The following BIRC6 variants were observed in gnomAD, a reference collection of about 807,000 sequenced individuals.
The protein encoded by BIRC6 is baculoviral IAP repeat containing 6.
Under a neutral mutation model 503.3 loss-of-function variants are expected in BIRC6, and 98 were observed. The ratio of observed to expected loss-of-function variants is 0.19; its 90% CI spans 0.17 to 0.23. The LOEUF is 0.23. BIRC6 is among the 10% of genes least tolerant of loss of function. BIRC6 has a pLI of 1.00. For missense variants in BIRC6, 5,360 were observed against 5,806.0 expected, an observed-to-expected ratio of 0.92 and a Z score of 2.50; for synonymous variants, 2,240 against 2,078.7, an observed-to-expected ratio of 1.08 and a Z score of -2.11.
chr2:32,563,120 G>C (rs921386593), intron 65 of BIRC6, among the ~76,000 whole-genome samples: 1 of 152,144 alleles, frequency 6.6e-6, no homozygotes, highest in African/African-American at 2.4e-5. Context: ...AAAATAACTT[G>C]CTGGGGTTTT....
chr2:32,491,045 G>T (rs1376399939), intron 43 of BIRC6, among the ~76,000 whole-genome samples: 2 of 152,128 alleles, frequency 1.3e-5, no homozygotes, highest in East Asian at 3.8e-4. Context: ...GAATAATTTT[G>T]CTACAACTTA....
At chr2:32,416,209 T>C in intron 10 of BIRC6, 46 bp downstream of exon 10, 1 of 1,500,606 alleles carries the variant, frequency 6.7e-7, no homozygotes, top group African/African-American at 1.4e-5. Flanking sequence ...TCCATGTATA[T>C]ATGGCATTTG....
rs370529825 is a variant in BIRC6 at position 32,430,805 on chromosome 2, C to CTTTT, written c.3023-42_3023-39dup. The CTTTT allele has an allele frequency of 1.2e-3, 605 of 484,440 alleles. 13 individuals are homozygous for CTTTT. The highest frequency in any genetic ancestry group is 2.8e-3 in the South Asian group (105 of 37,932). 30.0% of individuals were successfully genotyped at this position (484,440 alleles called of 1,614,324 possible). A position where few individuals can be genotyped will look rare whatever the true frequency, so the allele number is the denominator to read the frequency against. ...AATTAAAACTTCACTTCATTGTCTT[C>CTTTT]TTTTTTTTTTTTTTTTTTTTTCCAC... is the stretch of plus-strand genomic sequence containing the variant. On this transcript the variant is annotated intron_variant, in intron 11 of 73. Transcript: ENST00000421745.
Position 32,611,465 on chromosome 2 carries a change from T to G in BIRC6, c.14277T>G (p.Phe4759Leu). 6.2e-7 allele frequency: 1 copy of G among 1,607,850 alleles called. No individual in the cohort carries two copies. The highest frequency in any genetic ancestry group is 8.5e-7 in the Non-Finnish European group (1 of 1,176,216). ...TTCTCAAGGTAATACACAAACATTT[T>G]TACTTGAAAAGAGTTGAGATAATGG... is the stretch of plus-strand genomic sequence containing the variant. ...PCFKEVIHKH[F>L]YLKRVEIMAQ... is the part of the protein sequence containing the mutation. Residue 4759 changes from phenylalanine to leucine, a missense_variant, in exon 73 of 74, where the codon TTT (phenylalanine) becomes TTG (leucine). This residue lies in a region of BIRC6 where 140 missense variants were observed against 130.2 expected (regional missense o/e 1.07). Transcript: ENST00000421745.
intron 31 of BIRC6, 112 bp from the exon 32 acceptor site, chr2:32,470,902 G>T: frequency 3.6e-6 from 4 of 1,106,432 alleles, no homozygotes; most frequent in Non-Finnish European, 5.1e-6. Context: ...TGTTAGTAAT[G>T]ATAAGATATG....
At chr2:32,454,524 G>T (rs555831351) in intron 23 of BIRC6, among the ~76,000 whole-genome samples, 1 of 151,196 alleles carries the variant, frequency 6.6e-6, no homozygotes, top group Non-Finnish European at 1.5e-5. Flanking sequence ...TTTATTTACA[G>T]TTACTTCTAT....
At chr2:32,454,334 T>C (rs959062728) in intron 23 of BIRC6, among the ~76,000 whole-genome samples, 4 of 152,214 alleles carry the variant, frequency 2.6e-5, no homozygotes, top group Admixed American at 2.0e-4. Context: ...CTCGAACTAG[T>C]TTAAAACAAC....
At position 32,515,439 on chromosome 2, in the gene BIRC6, G is replaced by A. The variant is rs2054923783; in HGVS notation, c.11018G>A (p.Cys3673Tyr). Residue 3673 changes from cysteine to tyrosine, a missense_variant, in exon 55 of 74, where the codon TGT (cysteine) becomes TAT (tyrosine). Cys to Tyr is a radical substitution (Grantham distance 194). Coordinates refer to ENST00000421745, the MANE Select transcript of BIRC6 (RefSeq NM_016252.4). ...KLRRHHVPQQ[C>Y]NKMPITADLV... Reference sequence around the variant, plus strand: ...AGGCGCCATCATGTCCCACAACAATGTAATAAGATGCCTATCACAGCCGAC... The same window carrying A: ...AGGCGCCATCATGTCCCACAACAATATAATAAGATGCCTATCACAGCCGAC... 1 of 1,613,082 alleles carries A rather than the reference G, an allele frequency of 6.2e-7. No individual in the cohort carries two copies. The highest frequency in any genetic ancestry group is 1.7e-5 in the Admixed American group (1 of 60,016).
At position 32,450,600 on chromosome 2, in the gene BIRC6, T is replaced by A. The variant is rs567897144; in HGVS notation, c.4618+1672T>A. ...ACAGAAATGTAAATGTCATTCATGA[T>A]ACTTATATCTTTCTTATCACCCACA... On this transcript the variant is annotated intron_variant, in intron 22 of 73. Coordinates refer to ENST00000421745, the MANE Select transcript of BIRC6 (RefSeq NM_016252.4). Among the ~76,000 whole-genome samples the A allele has an allele frequency of 2.0e-5, 3 of 152,342 alleles. No homozygotes were observed. The South Asian group carries it at 6.2e-4, about 32-fold the overall frequency.
rs2042344365 is a variant in BIRC6, at chr2:32,416,048, C to T, written c.2757C>T (p.Asn919=). Residue 919 remains asparagine, a synonymous_variant, in exon 10 of 74, where the codon AAC becomes AAT. Coordinates refer to ENST00000421745, the MANE Select transcript of BIRC6 (RefSeq NM_016252.4). ...ATGTAAAAATACTAGATCTTTCAAA[C>T]TTTGAAATTTTGGCCAAAGTGGAGC... ...GGYVKILDLS[N]FEILAKVEPP... 1 of 1,613,788 alleles carries T rather than the reference C, an allele frequency of 6.2e-7. No individual in the cohort carries two copies. Among genetic ancestry groups the T allele is most frequent in the Non-Finnish European group, 8.5e-7 (1 of 1,179,860 alleles).
intron 1 of BIRC6, among the ~76,000 whole-genome samples, chr2:32,375,407 T>G (rs2036595098): frequency 6.6e-6 from 1 of 152,006 alleles, no homozygotes; most frequent in South Asian, 2.1e-4. Context: ...GCTCCTGTAG[T>G]CCTAGCCACT....
In BIRC6 at chr2:32,424,063, G is replaced by A. The variant is rs145379700; in HGVS notation, c.2873-5083G>A. On this transcript the variant is annotated intron_variant, in intron 10 of 73. Coordinates refer to ENST00000421745, the MANE Select transcript of BIRC6 (RefSeq NM_016252.4). Reference sequence around the variant, plus strand: ...AGTTTTTTCTTTATGTTGAAAAGGCGAAATTTTTGACTTGGAAAGAAAAAT... The same window carrying A: ...AGTTTTTTCTTTATGTTGAAAAGGCAAAATTTTTGACTTGGAAAGAAAAAT... Among the ~76,000 whole-genome samples the A allele has an allele frequency of 3.2e-3, 489 of 152,206 alleles. 1 individual carries two copies. The highest frequency in any genetic ancestry group is 4.4e-3 in the Non-Finnish European group (301 of 68,008).
At chr2:32,472,525 A>C (rs984457471) in intron 32 of BIRC6, among the ~76,000 whole-genome samples, 1 of 152,234 alleles carries the variant, frequency 6.6e-6, no homozygotes. Flanking sequence ...TTTGATAAGT[A>C]GGTAGGAAAG....
chr2:32,539,360 T>C (rs566550533), intron 61 of BIRC6, among the ~76,000 whole-genome samples: 1 of 152,274 alleles, frequency 6.6e-6, no homozygotes, highest in Non-Finnish European at 1.5e-5. Context: ...TAACCAATAT[T>C]TATGGAACAA....
chr2:32,571,374 T>TG (rs2059901365), intron 65 of BIRC6, among the ~76,000 whole-genome samples: 1 of 114,792 alleles, frequency 8.7e-6, no homozygotes, highest in African/African-American at 3.4e-5. Context: ...CATGTGGTCC[T>TG]GGGCTTTTTT....
At chr2:32,585,530 C>A (rs947498096) in intron 66 of BIRC6, among the ~76,000 whole-genome samples, 3 of 152,096 alleles carry the variant, frequency 2.0e-5, no homozygotes, top group African/African-American at 7.2e-5. Context: ...CAGGCGCGTG[C>A]CACCACACCC....
intron 65 of BIRC6, chr2:32,557,801 C>T (rs1389941737): frequency 1.3e-5 from 2 of 152,154 alleles, no homozygotes; most frequent in Admixed American, 6.5e-5. Context: ...TCTTTTTCTT[C>T]TCTTCTTGCT....
intron 13 of BIRC6, among the ~76,000 whole-genome samples, chr2:32,434,919 A>C: frequency 6.6e-6 from 1 of 152,224 alleles, no homozygotes; most frequent in East Asian, 1.9e-4. Context: ...TAGTAAACTA[A>C]AGATGATTAA....
At chr2:32,476,374 C>G in intron 34 of BIRC6, 30 bp downstream of exon 34, 3 of 1,539,932 alleles carry the variant, frequency 1.9e-6, no homozygotes, top group Non-Finnish European at 2.6e-6. Context: ...ATATAGTTAT[C>G]TCAGAAAAGT....
Sources: allele counts gnomAD v4.1 joint callset (sites outside exome capture counted in the v4.1 genomes callset), GRCh38; gene constraint gnomAD v4.1.1; regional missense constraint gnomAD v4.1.1; transcripts MANE v1.5; gene names NCBI Gene and HGNC (gene_info 2026-07-23, HGNC 2026-07-21).